LRRC7: variants seen among roughly 807,000 people sequenced by gnomAD.
LRRC7 encodes leucine-rich repeat-containing protein 7.
LRRC7 carries 23 observed loss-of-function variants against 175.7 expected under a neutral mutation model. The ratio of observed to expected loss-of-function variants is 0.13; its 90% CI spans 0.09 to 0.19. The LOEUF (loss-of-function observed/expected upper bound fraction) is 0.19. LRRC7 is among the 10% of genes least tolerant of loss of function. The pLI, the probability that LRRC7 is intolerant of heterozygous loss-of-function variation, is 1.00. For synonymous variants in LRRC7, 685 were observed against 680.9 expected, an observed-to-expected ratio of 1.01 and a Z score of -0.09; for missense variants, 1,354 against 1,904.7, an observed-to-expected ratio of 0.71 and a Z score of 5.38.
At chr1:69,898,783 G>A (rs1053683885) in intron 7 of LRRC7, among the ~76,000 whole-genome samples, 4 of 152,344 alleles carry the variant, frequency 2.6e-5, no homozygotes, top group East Asian at 1.9e-4. Flanking sequence ...TCGCCTGAGC[G>A]CCCAATTCAC....
chr1:70,105,272 A>G (rs1665066028), intron 25 of LRRC7, among the ~76,000 whole-genome samples: 1 of 152,152 alleles, frequency 6.6e-6, no homozygotes, highest in Non-Finnish European at 1.5e-5. Context: ...GACCATTTTT[A>G]CAGCTGAATT....
intron 3 of LRRC7, among the ~76,000 whole-genome samples, chr1:69,781,610 A>C (rs890323411): frequency 6.7e-6 from 1 of 149,456 alleles, no homozygotes; most frequent in Non-Finnish European, 1.5e-5. Flanking sequence ...TGAACCTGGG[A>C]GGTGGAGGTT....
chr1:70,004,649 G>C (rs1361107096), intron 11 of LRRC7, among the ~76,000 whole-genome samples: 2 of 151,852 alleles, frequency 1.3e-5, no homozygotes, highest in African/African-American at 4.8e-5. Flanking sequence ...TCTACTTTCG[G>C]TTATACTGGC....
At chr1:69,858,731 T>C (rs886613950) in intron 7 of LRRC7, among the ~76,000 whole-genome samples, 12 of 152,116 alleles carry the variant, frequency 7.9e-5, no homozygotes, top group African/African-American at 2.9e-4. Context: ...ATCCACTAAA[T>C]TATGAGTCAT....
At chr1:69,627,260 A>G (rs374197189) in intron 1 of LRRC7, among the ~76,000 whole-genome samples, 2 of 152,022 alleles carry the variant, frequency 1.3e-5, no homozygotes, top group East Asian at 1.9e-4. Flanking sequence ...TTTAATGATC[A>G]CCATTCTAAC....
chr1:69,687,364 G>T (rs1053800072), intron 2 of LRRC7, among the ~76,000 whole-genome samples: 6 of 151,780 alleles, frequency 4.0e-5, no homozygotes, highest in African/African-American at 9.7e-5. Flanking sequence ...AAAAAAATTA[G>T]CTGGGTGTGG....
At chr1:69,668,113 C>T (rs893056884) in intron 1 of LRRC7, among the ~76,000 whole-genome samples, 7 of 152,088 alleles carry the variant, frequency 4.6e-5, no homozygotes, top group African/African-American at 1.4e-4. Flanking sequence ...AGCACCTTAA[C>T]TTTGCCTTCC....
At chr1:69,767,905 C>T (rs1557701571) in intron 3 of LRRC7, among the ~76,000 whole-genome samples, 1 of 152,114 alleles carries the variant, frequency 6.6e-6, no homozygotes, top group African/African-American at 2.4e-5. Context: ...AAAAAACAGC[C>T]TCCATATATC....
chr1:69,913,493 G>A (rs998218999), intron 7 of LRRC7, among the ~76,000 whole-genome samples: 1 of 152,064 alleles, frequency 6.6e-6, no homozygotes, highest in African/African-American at 2.4e-5. Context: ...TCATAATGAG[G>A]TGTTCCAGAA....
At position 69,889,995 on chromosome 1, in the gene LRRC7, T is replaced by G. The variant is rs141932815; in HGVS notation, c.648-41512T>G. Among the ~76,000 whole-genome samples the G allele has an allele frequency of 3.3e-3, 498 of 152,330 alleles. 1 individual carries two copies. Among genetic ancestry groups the G allele is most frequent in the African/African-American group, 0.011 (449 of 41,576 alleles). On this transcript the variant is annotated intron_variant, in intron 7 of 26. Coordinates refer to ENST00000651989, the MANE Select transcript of LRRC7 (RefSeq NM_001370785.2). ...TAGATCTCTTTCTACCACATTGAAA[T>G]TACTTTCTACACTGAAGTCTTAAAC...
intron 8 of LRRC7, among the ~76,000 whole-genome samples, chr1:69,936,689 C>T (rs952387065): frequency 6.6e-6 from 1 of 152,050 alleles, no homozygotes; most frequent in Non-Finnish European, 1.5e-5. Context: ...TAGTACCTGA[C>T]AGGTAGTTTT....
chr1:69,761,616 G>A (rs1424829844), intron 3 of LRRC7, among the ~76,000 whole-genome samples: 2 of 151,882 alleles, frequency 1.3e-5, no homozygotes, highest in Non-Finnish European at 2.9e-5. Flanking sequence ...TTTAGAGGTA[G>A]GTCAGGCCTA....
intron 1 of LRRC7, among the ~76,000 whole-genome samples, chr1:69,594,643 C>T (rs1646767243): frequency 6.6e-6 from 1 of 152,198 alleles, no homozygotes; most frequent in South Asian, 2.1e-4. Context: ...GACTTTCACA[C>T]TCACGCTATT....
chr1:70,013,795 C>T (rs1469905298), intron 13 of LRRC7, among the ~76,000 whole-genome samples: 1 of 151,856 alleles, frequency 6.6e-6, no homozygotes. Context: ...TGCATGAGCT[C>T]TATGTTTTCA....
In LRRC7 at chr1:70,127,393, G is replaced by A. The variant is rs1347643566; in HGVS notation, c.*5506G>A. Among the ~76,000 whole-genome samples the A allele has an allele frequency of 6.6e-6, 1 of 152,174 alleles. No individual in the cohort carries two copies. Among genetic ancestry groups the A allele is most frequent in the Non-Finnish European group, 1.5e-5 (1 of 68,018 alleles). On this transcript the variant is annotated 3_prime_UTR_variant, in exon 27 of 27. Transcript: ENST00000651989. Reference sequence around the variant, plus strand: ...GATTTTTGAAAAACCGAGGGGGCAAGTCTACTCTAAGTTTTTATTTAAAAA... The same window carrying A: ...GATTTTTGAAAAACCGAGGGGGCAAATCTACTCTAAGTTTTTATTTAAAAA...
Position 70,132,437 on chromosome 1 carries a change from TTTTTCTTTTC to T in LRRC7, c.*10565_*10574del, listed in dbSNP as rs1263457824. ...TTAAAAATTACCAGAGTACTTTTCT[TTTTTCTTTTC>T]TTTTCTTTTCTTTTTTTTTTTTTTT... is the stretch of plus-strand genomic sequence containing the variant. On this transcript the variant is annotated 3_prime_UTR_variant, in exon 27 of 27. Transcript: ENST00000651989. The T allele has an allele frequency of 8.8e-6, 1 of 113,924 alleles. No homozygotes were observed. The highest frequency in any genetic ancestry group is 1.7e-5 in the Non-Finnish European group (1 of 58,788). 7.1% of individuals were successfully genotyped at this position (113,924 alleles called of 1,614,324 possible). A position where few individuals can be genotyped will look rare whatever the true frequency, so the allele number is the denominator to read the frequency against.
At chr1:70,004,635 G>T (rs748910705) in intron 11 of LRRC7, among the ~76,000 whole-genome samples, 2 of 151,826 alleles carry the variant, frequency 1.3e-5, no homozygotes, top group Non-Finnish European at 2.9e-5. Context: ...GCTGCAGTTG[G>T]GTGTCTACTT....
intron 1 of LRRC7, among the ~76,000 whole-genome samples, chr1:69,649,841 T>C (rs894107646): frequency 1.4e-5 from 2 of 143,844 alleles, no homozygotes; most frequent in Non-Finnish European, 3.1e-5. Context: ...GCTTAAAGAA[T>C]CAAAGTGATT....
intron 1 of LRRC7, among the ~76,000 whole-genome samples, chr1:69,650,060 ACT>A (rs1012030193): frequency 1.3e-5 from 2 of 151,948 alleles, no homozygotes; most frequent in African/African-American, 4.8e-5. Context: ...AGTCAGTGTG[ACT>A]CTTTCTTCTA....
Sources: gnomAD v4.1 joint callset for allele counts (sites outside exome capture counted in the v4.1 genomes callset) on GRCh38, gnomAD v4.1.1 for gene constraint, MANE v1.5 for transcripts, NCBI Gene and HGNC (gene_info 2026-07-23, HGNC 2026-07-21) for gene names.